The following JMJD1C variants were observed in gnomAD, a reference collection of about 807,000 sequenced individuals.
JMJD1C encodes the protein jumonji domain-containing protein 1C.
Under a neutral mutation model 245.3 loss-of-function variants are expected in JMJD1C, and 31 were observed. The ratio of observed to expected loss-of-function variants is 0.13; its 90% CI spans 0.09 to 0.17. The LOEUF is 0.17. Among genes scored for constraint, JMJD1C ranks in the 10% least tolerant of loss-of-function variants. The probability of loss-of-function intolerance (pLI) is 1.00; values close to 1 mark genes in which losing one functional copy is unlikely to be tolerated. For synonymous variants in JMJD1C, 1,057 were observed against 1,017.4 expected, an observed-to-expected ratio of 1.04 and a Z score of -0.74; for missense variants, 2,691 against 3,000.2, an observed-to-expected ratio of 0.90 and a Z score of 2.41.
At chr10:63,235,328 G>A (rs1019634103) in intron 3 of JMJD1C, among the ~76,000 whole-genome samples, 3 of 151,788 alleles carry the variant, frequency 2.0e-5, no homozygotes, top group Non-Finnish European at 2.9e-5. Flanking sequence ...AAACCCCATC[G>A]CTCCTAAAAA....
At chr10:63,286,638 TA>T (rs1349965761) in intron 2 of JMJD1C, among the ~76,000 whole-genome samples, 1 of 152,194 alleles carries the variant, frequency 6.6e-6, no homozygotes, top group Non-Finnish European at 1.5e-5. Flanking sequence ...AGAGGCCCTT[TA>T]AACTTTACCC....
At chr10:63,426,245 T>G (rs968790840) in intron 1 of JMJD1C, among the ~76,000 whole-genome samples, 118 of 151,888 alleles carry the variant, frequency 7.8e-4, no homozygotes, top group African/African-American at 2.6e-3. Flanking sequence ...CCAGGTGTGG[T>G]GGTGCATACT....
chr10:63,251,523 A>G (rs187118993), intron 3 of JMJD1C, among the ~76,000 whole-genome samples: 1 of 152,308 alleles, frequency 6.6e-6, no homozygotes, highest in Admixed American at 6.5e-5. Flanking sequence ...TCTGAAGAAG[A>G]TATTAGAAGA....
chr10:63,492,353 A>C (rs1954204875), intron 1 of JMJD1C, among the ~76,000 whole-genome samples: 1 of 152,242 alleles, frequency 6.6e-6, no homozygotes, highest in Non-Finnish European at 1.5e-5. Context: ...ATTTTAGCCT[A>C]CAATAAAGAT....
intron 3 of JMJD1C, among the ~76,000 whole-genome samples, chr10:63,230,307 G>A (rs2133381508): frequency 6.6e-6 from 1 of 152,140 alleles, no homozygotes; most frequent in East Asian, 1.9e-4. Context: ...GGGAGGCAGA[G>A]GCTGCAGTGA....
chr10:63,462,369 T>C (rs1003415428), intron 1 of JMJD1C, among the ~76,000 whole-genome samples: 2 of 152,248 alleles, frequency 1.3e-5, no homozygotes, highest in African/African-American at 4.8e-5. Context: ...TCTTACTTTA[T>C]TTGTATTAAA....
intron 2 of JMJD1C, among the ~76,000 whole-genome samples, chr10:63,272,770 T>C: frequency 6.6e-6 from 1 of 152,230 alleles, no homozygotes; most frequent in East Asian, 1.9e-4. Context: ...CTTTAGTACA[T>C]TTCCCCAATT....
chr10:63,360,306 A>T (rs1454259370), intron 2 of JMJD1C, among the ~76,000 whole-genome samples: 1 of 152,098 alleles, frequency 6.6e-6, no homozygotes. Context: ...GGTAATAAGG[A>T]GCTATAATCA....
At chr10:63,289,075 T>G (rs1252216664) in intron 2 of JMJD1C, among the ~76,000 whole-genome samples, 1 of 152,130 alleles carries the variant, frequency 6.6e-6, no homozygotes, top group African/African-American at 2.4e-5. Context: ...TCCCAGTATT[T>G]TAATATGGGT....
rs61422373 is a variant in JMJD1C, at chr10:63,329,478, G to GAA, written c.333+50838_333+50839dup. ...ATAAACAAAACTATCTCCATCAATTGAAAAAAAAAAAAAAAGGATATGAAC... is the reference window on the plus strand; with the variant it reads ...ATAAACAAAACTATCTCCATCAATTGAAAAAAAAAAAAAAAAAGGATATGAAC... On this transcript the variant is annotated intron_variant, in intron 2 of 25. Transcript: ENST00000399262. Among the ~76,000 whole-genome samples the GAA allele has an allele frequency of 2.6e-5, 3 of 116,962 alleles. No homozygotes were observed. In the East Asian group the frequency reaches 7.8e-4, roughly 30 times the overall value. 76.7% of individuals were successfully genotyped at this position (116,962 alleles called of 152,430 possible).
chr10:63,319,450 T>C (rs1478297980), intron 2 of JMJD1C, among the ~76,000 whole-genome samples: 3 of 152,024 alleles, frequency 2.0e-5, no homozygotes, highest in East Asian at 3.9e-4. Flanking sequence ...GTTGTGTTTC[T>C]TTCTTCTCTC....
chr10:63,214,570 T>C lies in JMJD1C; in HGVS notation c.1597A>G (p.Thr533Ala). Reference protein sequence around the residue: ...QENSSTFGLQTLQKMDPNVSD... With the variant: ...QENSSTFGLQALQKMDPNVSD... ...ACATTAGGATCCATTTTCTGAAGTG[T>C]CTGAAGGCCAAAGGTACTTGAGTTT... Residue 533 changes from threonine to alanine, a missense_variant, in exon 8 of 26, where the codon ACA becomes GCA. By Grantham distance (58) the Thr-to-Ala change is moderately conservative. This residue lies in a region of JMJD1C where 1,562 missense variants were observed against 1,490.7 expected (regional missense o/e 1.05). Transcript: ENST00000399262. 6.2e-7 allele frequency: 1 copy of C among 1,614,060 alleles called. No individual in the cohort carries two copies.
At chr10:63,233,956 A>G (rs529996822) in intron 3 of JMJD1C, among the ~76,000 whole-genome samples, 1 of 152,260 alleles carries the variant, frequency 6.6e-6, no homozygotes, top group East Asian at 1.9e-4. Flanking sequence ...ACTGATGCCA[A>G]CAATTTATTC....
intron 1 of JMJD1C, among the ~76,000 whole-genome samples, chr10:63,473,292 C>T (rs1172612890): frequency 1.3e-5 from 2 of 151,952 alleles, no homozygotes; most frequent in Admixed American, 6.5e-5. Flanking sequence ...GTCATCCAGG[C>T]TGGAGTGCAG....
chr10:63,253,197 T>C (rs940151192), intron 3 of JMJD1C, among the ~76,000 whole-genome samples: 3 of 152,138 alleles, frequency 2.0e-5, no homozygotes, highest in African/African-American at 7.2e-5. Flanking sequence ...GTGTGATACT[T>C]GCGTAAGGAC....
intron 3 of JMJD1C, among the ~76,000 whole-genome samples, chr10:63,243,253 G>A (rs1395900204): frequency 6.6e-6 from 1 of 151,788 alleles, no homozygotes; most frequent in Non-Finnish European, 1.5e-5. Flanking sequence ...TTGGCCAGGC[G>A]TGGTGGCTCA....
At chr10:63,255,278 T>A (rs1215292529) in intron 3 of JMJD1C, among the ~76,000 whole-genome samples, 2 of 152,218 alleles carry the variant, frequency 1.3e-5, no homozygotes, top group African/African-American at 2.4e-5. Flanking sequence ...TTTCTTCTTT[T>A]CAACGTTTCA....
rs190019732 is a variant in JMJD1C, at chr10:63,473,820, A to T, written n.113+47918T>A. On this transcript the variant is annotated intron_variant and non_coding_transcript_variant, in intron 1 of 3. Coordinates refer to the JMJD1C transcript ENST00000633035. ...CACTTTGGGAGGCCAAGGCGGGCGG[A>T]TCACCTGAGGTCAGGAGTTTGAGAC... Among the ~76,000 whole-genome samples, 485 of 151,942 alleles carry T rather than the reference A, an allele frequency of 3.2e-3. 2 individuals are homozygous for T. The highest frequency in any genetic ancestry group is 0.011 in the African/African-American group (470 of 41,492).
At chr10:63,191,275 G>A (rs765221792) in intron 16 of JMJD1C, among the ~76,000 whole-genome samples, 167 bp from the exon 17 acceptor site, 2 of 152,146 alleles carry the variant, frequency 1.3e-5, no homozygotes. Context: ...GGGACTACAG[G>A]CATGTGCCAC....
Sources: allele counts gnomAD v4.1 joint callset (sites outside exome capture counted in the v4.1 genomes callset), GRCh38; gene constraint gnomAD v4.1.1; regional missense constraint gnomAD v4.1.1; transcripts MANE v1.5; gene names NCBI Gene and HGNC (gene_info 2026-07-23, HGNC 2026-07-21).